The following MARCHF1 variants were observed in gnomAD, a reference collection of about 807,000 sequenced individuals.
MARCHF1 encodes E3 ubiquitin-protein ligase MARCHF1.
A neutral mutation model predicts 54.2 loss-of-function variants in MARCHF1; 40 were observed. The ratio of observed to expected loss-of-function variants is 0.74; its 90% CI spans 0.57 to 0.96. The LOEUF (loss-of-function observed/expected upper bound fraction) is 0.96. Ranked by LOEUF, MARCHF1 falls within the 40% of genes least tolerant of loss-of-function variation. The pLI is 0.00. For synonymous variants in MARCHF1, 236 were observed against 236.3 expected (o/e 1.00, Z 0.01); for missense variants, 586 against 656.5 (o/e 0.89, Z 1.17).
chr4:164,261,355 C>A (rs990353858), intron 1 of MARCHF1, among the ~76,000 whole-genome samples: 3 of 152,214 alleles, frequency 2.0e-5, no homozygotes, highest in Middle Eastern at 3.4e-3. Context: ...AGAAACTATG[C>A]CTCACACATT....
chr4:164,167,106 A>C (rs954722876), intron 1 of MARCHF1, among the ~76,000 whole-genome samples: 2 of 151,698 alleles, frequency 1.3e-5, no homozygotes, highest in Non-Finnish European at 3.0e-5. Flanking sequence ...TTTTACAATC[A>C]CCATGGTTGT....
chr4:163,640,024 T>C (rs1742496994), intron 5 of MARCHF1, among the ~76,000 whole-genome samples: 1 of 152,210 alleles, frequency 6.6e-6, no homozygotes, highest in Admixed American at 6.5e-5. Flanking sequence ...AGTTTACCAG[T>C]GCTTGCAGAA....
intron 2 of MARCHF1, among the ~76,000 whole-genome samples, chr4:164,102,504 C>G (rs1560905248): frequency 6.8e-6 from 1 of 147,880 alleles, no homozygotes; most frequent in African/African-American, 2.5e-5. Context: ...ACTTCATATC[C>G]AGCCAAACTA....
chr4:163,630,985 G>A (rs1400338022), intron 5 of MARCHF1, among the ~76,000 whole-genome samples: 1 of 152,162 alleles, frequency 6.6e-6, no homozygotes. Context: ...GTTGTATGTT[G>A]TGGAGAGGAA....
chr4:163,937,356 C>T (rs1360898230), intron 3 of MARCHF1, among the ~76,000 whole-genome samples: 4 of 151,956 alleles, frequency 2.6e-5, no homozygotes, highest in Non-Finnish European at 5.9e-5. Flanking sequence ...ACAAAAGCTA[C>T]AGTAGAATTT....
chr4:164,052,951 G>A (rs1193801899), intron 2 of MARCHF1, among the ~76,000 whole-genome samples: 1 of 151,944 alleles, frequency 6.6e-6, no homozygotes, highest in African/African-American at 2.4e-5. Flanking sequence ...ACATCCAGAT[G>A]GCTTATTTTC....
intron 3 of MARCHF1, among the ~76,000 whole-genome samples, chr4:163,898,016 G>A (rs767013887): frequency 1.4e-4 from 19 of 136,704 alleles, no homozygotes; most frequent in Admixed American, 1.7e-4. Flanking sequence ...AGCCAAGATC[G>A]CGCCACTGCA....
chr4:164,022,023 A>C (rs1002538765), intron 2 of MARCHF1, among the ~76,000 whole-genome samples: 3 of 152,236 alleles, frequency 2.0e-5, no homozygotes, highest in Admixed American at 6.5e-5. Flanking sequence ...AAAGCCTTCC[A>C]TCAATTCCAG....
chr4:164,194,367 T>G (rs1219622267), intron 1 of MARCHF1, among the ~76,000 whole-genome samples: 1 of 152,198 alleles, frequency 6.6e-6, no homozygotes, highest in African/African-American at 2.4e-5. Flanking sequence ...AAAGGCATGA[T>G]GACTTCACTG....
intron 3 of MARCHF1, among the ~76,000 whole-genome samples, chr4:163,886,873 G>A (rs1750550169): frequency 1.3e-5 from 2 of 152,204 alleles, no homozygotes; most frequent in South Asian, 4.1e-4. Flanking sequence ...GAATGAAAAT[G>A]TCAGATGTTC....
rs115864039 is a variant in MARCHF1, at chr4:164,024,152, T to G, written c.-247-35443A>C. The stretch of plus-strand genomic sequence containing the variant: ...GGGAAGGAGAGAAAATAAGCAACTT[T>G]TTAAATATTTTGGAGGGCATAGTCC... On this transcript the variant is annotated intron_variant, in intron 2 of 9. Coordinates refer to ENST00000514618, the MANE Select transcript of MARCHF1 (RefSeq NM_001394959.1). Among the ~76,000 whole-genome samples, 700 of 152,250 alleles carry G rather than the reference T, an allele frequency of 4.6e-3. 5 individuals carry two copies. The highest frequency in any genetic ancestry group is 0.016 in the African/African-American group (665 of 41,562).
intron 4 of MARCHF1, among the ~76,000 whole-genome samples, chr4:163,749,371 T>C (rs1321480601): frequency 6.6e-6 from 1 of 152,144 alleles, no homozygotes; most frequent in Non-Finnish European, 1.5e-5. Flanking sequence ...AATCAGGTCA[T>C]CTAAAAATAA....
Position 164,276,521 on chromosome 4 carries a change from G to A in MARCHF1, c.-323+107349C>T, listed in dbSNP as rs1733885792. Among the ~76,000 whole-genome samples, 3 of 150,892 alleles carry A rather than the reference G, an allele frequency of 2.0e-5. 1 individual carries two copies. The South Asian group carries it at 6.3e-4, about 31-fold the overall frequency. ...GTGCACACACACTATATGTGGACAT[G>A]TATATATACGTGTGTGTGTATATAT... On this transcript the variant is annotated intron_variant, in intron 1 of 9. Transcript: ENST00000514618.
intron 3 of MARCHF1, among the ~76,000 whole-genome samples, chr4:163,926,374 T>C (rs948401469): frequency 6.6e-6 from 1 of 151,872 alleles, no homozygotes; most frequent in African/African-American, 2.4e-5. Flanking sequence ...ATATTATATA[T>C]ATCCATTAAC....
chr4:163,648,509 T>A (rs902211433), intron 5 of MARCHF1, among the ~76,000 whole-genome samples: 1 of 151,584 alleles, frequency 6.6e-6, no homozygotes, highest in South Asian at 2.1e-4. Context: ...CATTTTTGCC[T>A]CTCTTCTAGT....
intron 3 of MARCHF1, among the ~76,000 whole-genome samples, chr4:163,967,148 A>T (rs549802757): frequency 6.6e-6 from 1 of 152,282 alleles, no homozygotes; most frequent in African/African-American, 2.4e-5. Flanking sequence ...CAGATCATTA[A>T]GGGACCTTGT....
chr4:163,528,563 A>G lies in MARCHF1; in HGVS notation c.*185T>C. 1.7e-6 allele frequency: 1 copy of G among 591,274 alleles called. No homozygotes were observed. Among genetic ancestry groups the G allele is most frequent in the East Asian group, 2.8e-5 (1 of 35,452 alleles). 36.6% of individuals were successfully genotyped at this position (591,274 alleles called of 1,614,324 possible). A position where few individuals can be genotyped will look rare whatever the true frequency, so the allele number is the denominator to read the frequency against. The stretch of plus-strand genomic sequence containing the variant: ...ATACTTTACTTTACGCTATTACTTC[A>G]TGGGCTCCTGGGCATTTGGTCTGTT... On this transcript the variant is annotated 3_prime_UTR_variant, in exon 10 of 10. Coordinates refer to ENST00000514618, the MANE Select transcript of MARCHF1 (RefSeq NM_001394959.1).
intron 4 of MARCHF1, among the ~76,000 whole-genome samples, chr4:163,707,265 A>G (rs1346985353): frequency 6.6e-6 from 1 of 152,114 alleles, no homozygotes; most frequent in African/African-American, 2.4e-5. Flanking sequence ...AAAAAGTTAA[A>G]GTGAGTAAAC....
intron 4 of MARCHF1, among the ~76,000 whole-genome samples, chr4:163,812,676 T>A (rs1230339383): frequency 6.6e-6 from 1 of 152,108 alleles, no homozygotes; most frequent in African/African-American, 2.4e-5. Context: ...GAGAATCACG[T>A]GAACCTGGGA....
Sources: gnomAD v4.1 joint callset for allele counts (sites outside exome capture counted in the v4.1 genomes callset) on GRCh38, gnomAD v4.1.1 for gene constraint, MANE v1.5 for transcripts, NCBI Gene and HGNC (gene_info 2026-07-23, HGNC 2026-07-21) for gene names.